Variants in DENND1A observed in about 807,000 individuals in gnomAD.
The protein encoded by DENND1A is DENN domain-containing protein 1A.
In DENND1A, 51 loss-of-function variants were observed where a neutral mutation model predicts 113.7. The observed-to-expected ratio is 0.45, with a 90% CI of 0.36 to 0.57. The LOEUF (loss-of-function observed/expected upper bound fraction) is 0.57, where lower values mean the gene tolerates loss of function less well. DENND1A is among the 20% of genes least tolerant of loss of function. The pLI is 0.00. For synonymous variants in DENND1A, 565 were observed against 570.8 expected (o/e 0.99, Z 0.14); for missense variants, 1,258 against 1,395.9 (o/e 0.90, Z 1.57).
intron 12 of DENND1A, among the ~76,000 whole-genome samples, chr9:123,561,050 C>A (rs2057723423): frequency 6.6e-6 from 1 of 152,154 alleles, no homozygotes; most frequent in Admixed American, 6.5e-5. Flanking sequence ...AAATAAAAAT[C>A]CTTCCCCTCC....
intron 1 of DENND1A, among the ~76,000 whole-genome samples, chr9:123,913,985 G>A (rs1320183067): frequency 6.6e-6 from 1 of 151,172 alleles, no homozygotes; most frequent in Non-Finnish European, 1.5e-5. Context: ...CAGCAGTGCA[G>A]ACATGGTCAG....
intron 13 of DENND1A, among the ~76,000 whole-genome samples, chr9:123,465,250 C>T (rs759387577): frequency 9.5e-5 from 14 of 147,994 alleles, no homozygotes; most frequent in Non-Finnish European, 1.5e-4. Context: ...GTTCAGGGAG[C>T]AAATAACAAC....
intron 13 of DENND1A, among the ~76,000 whole-genome samples, chr9:123,469,758 A>G (rs538611695): frequency 6.6e-6 from 1 of 152,348 alleles, no homozygotes; most frequent in South Asian, 2.1e-4. Flanking sequence ...TTTTACATGC[A>G]TTAGCTCACT....
intron 19 of DENND1A, among the ~76,000 whole-genome samples, chr9:123,435,218 T>C (rs903790527): frequency 1.3e-5 from 2 of 152,086 alleles, no homozygotes; most frequent in Admixed American, 1.3e-4. Context: ...CCAAGCTCAG[T>C]GGGGCAAGAG....
At chr9:123,927,156 G>A (rs1857260749) in intron 1 of DENND1A, among the ~76,000 whole-genome samples, 1 of 152,242 alleles carries the variant, frequency 6.6e-6, no homozygotes, top group South Asian at 2.1e-4. Flanking sequence ...ACCTGACAGA[G>A]ATTGTGTTCA....
intron 9 of DENND1A, among the ~76,000 whole-genome samples, chr9:123,642,820 G>C (rs569532105): frequency 6.6e-6 from 1 of 152,348 alleles, no homozygotes; most frequent in East Asian, 1.9e-4. Context: ...AAGCAAACAG[G>C]ATTAGTGTTT....
chr9:123,423,708 T>G lies in DENND1A; in HGVS notation c.1489-11879A>C, dbSNP rs549298170. Among the ~76,000 whole-genome samples, 3 of 152,304 alleles carry G rather than the reference T, an allele frequency of 2.0e-5. No individual in the cohort carries two copies. In the East Asian group the frequency reaches 5.8e-4, roughly 29 times the overall value. On this transcript the variant is annotated intron_variant, in intron 19 of 23. Coordinates refer to ENST00000394215, the MANE Select transcript of DENND1A (RefSeq NM_001352964.2). ...TATTTATTTTGTAAATATGCATTAT[T>G]TATACAGTACTTCTATTTCCATACT...
intron 3 of DENND1A, among the ~76,000 whole-genome samples, chr9:123,778,768 G>A (rs879700566): frequency 6.6e-6 from 1 of 152,046 alleles, no homozygotes; most frequent in South Asian, 2.1e-4. Context: ...CCGATCTAGA[G>A]TGTTAAGGAG....
Position 123,709,741 on chromosome 9 carries a change from A to G in DENND1A, c.303-32952T>C, listed in dbSNP as rs539371582. 2.6e-5 allele frequency among the ~76,000 whole-genome samples: 4 copies of G among 152,152 alleles called. No homozygotes were observed. The East Asian group carries it at 7.7e-4, about 29-fold the overall frequency. Reference sequence around the variant, plus strand: ...GATGGTCCCTACTGAAATTTCTCCTAAAAACTAGCCACACTCATGAAAGCT... The same window carrying G: ...GATGGTCCCTACTGAAATTTCTCCTGAAAACTAGCCACACTCATGAAAGCT... On this transcript the variant is annotated intron_variant, in intron 5 of 23. Coordinates refer to ENST00000394215, the MANE Select transcript of DENND1A (RefSeq NM_001352964.2).
intron 4 of DENND1A, among the ~76,000 whole-genome samples, chr9:123,759,031 G>A (rs773929743): frequency 2.0e-5 from 3 of 152,130 alleles, no homozygotes; most frequent in Non-Finnish European, 4.4e-5. Flanking sequence ...TTGATCTCCT[G>A]ACCTCGTGAT....
At chr9:123,449,533 CAAAA>C (rs34903069) in intron 18 of DENND1A, among the ~76,000 whole-genome samples, 1 of 72,620 alleles carries the variant, frequency 1.4e-5, no homozygotes. Context: ...GACTCCGTCT[CAAAA>C]AAAAAAAAAA....
At chr9:123,830,494 A>C (rs1036064570) in intron 2 of DENND1A, among the ~76,000 whole-genome samples, 1 of 152,160 alleles carries the variant, frequency 6.6e-6, no homozygotes, top group Admixed American at 6.5e-5. Context: ...TTATAAATCA[A>C]TCAAAAAACT....
At chr9:123,856,654 T>C (rs1368495440) in intron 2 of DENND1A, among the ~76,000 whole-genome samples, 1 of 151,754 alleles carries the variant, frequency 6.6e-6, no homozygotes, top group African/African-American at 2.4e-5. Context: ...GCACGGGGTG[T>C]CAAAATTCAA....
intron 13 of DENND1A, among the ~76,000 whole-genome samples, chr9:123,543,689 G>C (rs2056450772): frequency 6.6e-6 from 1 of 152,178 alleles, no homozygotes. Context: ...CCCTGCTCCT[G>C]GGGAGCTCCT....
At chr9:123,572,112 C>T (rs142763302) in intron 12 of DENND1A, among the ~76,000 whole-genome samples, 149 of 152,290 alleles carry the variant, frequency 9.8e-4, no homozygotes, top group African/African-American at 3.4e-3. Context: ...AAGATACAGA[C>T]GGTCCATCAT....
intron 5 of DENND1A, among the ~76,000 whole-genome samples, chr9:123,730,277 G>C (rs950003532): frequency 2.0e-5 from 3 of 152,158 alleles, no homozygotes; most frequent in African/African-American, 4.8e-5. Context: ...TTAAACTAAA[G>C]AGCTTCTGCA....
At chr9:123,443,087 C>G (rs2047049465) in intron 18 of DENND1A, among the ~76,000 whole-genome samples, 1 of 152,148 alleles carries the variant, frequency 6.6e-6, no homozygotes, top group South Asian at 2.1e-4. Flanking sequence ...GATTATCCTG[C>G]TTTTATAGGT....
At chr9:123,878,890 C>T (rs906185949) in intron 2 of DENND1A, 61 bp downstream of exon 2, 12 of 1,519,942 alleles carry the variant, frequency 7.9e-6, no homozygotes, top group African/African-American at 5.5e-5. Context: ...TATTATCTCA[C>T]GTGCATAGCT....
Position 123,757,683 on chromosome 9 carries a change from G to A in DENND1A, c.302+20C>T. On this transcript the variant is annotated intron_variant, in intron 5 of 23. Transcript: ENST00000394215. Reference sequence around the variant, plus strand: ...CATTGCTTCAGAGAACAAGCCAACAGCCCAAGCCTTCTCCCTTACCTTAAG... The same window carrying A: ...CATTGCTTCAGAGAACAAGCCAACAACCCAAGCCTTCTCCCTTACCTTAAG... 1 of 1,612,386 alleles carries A rather than the reference G, an allele frequency of 6.2e-7. No individual in the cohort carries two copies. Among genetic ancestry groups the A allele is most frequent in the African/African-American group, 1.3e-5 (1 of 74,996 alleles).
Sources: allele counts gnomAD v4.1 joint callset (sites outside exome capture counted in the v4.1 genomes callset), GRCh38; gene constraint gnomAD v4.1.1; transcripts MANE v1.5; gene names NCBI Gene and HGNC (gene_info 2026-07-23, HGNC 2026-07-21).